LRMDA: variants seen among roughly 807,000 people sequenced by gnomAD.
LRMDA encodes the protein leucine rich melanocyte differentiation associated, also known as leucine-rich melanocyte differentiation-associated protein.
In LRMDA, 18 loss-of-function variants were observed where a neutral mutation model predicts 29.8. The ratio of observed to expected loss-of-function variants is 0.60; its 90% confidence interval spans 0.42 to 0.90. LRMDA has a LOEUF of 0.90. Among genes scored for constraint, LRMDA ranks in the 40% least tolerant of loss-of-function variants. The probability of loss-of-function intolerance (pLI) is 0.00; values close to 1 mark genes in which losing one functional copy is unlikely to be tolerated. For synonymous variants in LRMDA, 125 were observed against 109.4 expected, an observed-to-expected ratio of 1.14 and a Z score of -0.89; for missense variants, 273 against 273.9, an observed-to-expected ratio of 1.00 and a Z score of 0.02.
intron 5 of LRMDA, among the ~76,000 whole-genome samples, chr10:76,213,854 T>G (rs1408551496): frequency 6.6e-6 from 1 of 151,738 alleles, no homozygotes; most frequent in Non-Finnish European, 1.5e-5. Context: ...AGGAACAATT[T>G]GAGCTAACCT....
chr10:75,718,936 C>G (rs531358752), intron 2 of LRMDA, among the ~76,000 whole-genome samples: 291 of 152,242 alleles, frequency 1.9e-3, no homozygotes, highest in African/African-American at 6.5e-3. Flanking sequence ...TTACTCCTAT[C>G]CTGGGTCTTA....
chr10:75,661,339 T>C (rs1841750258), intron 2 of LRMDA, among the ~76,000 whole-genome samples: 1 of 152,070 alleles, frequency 6.6e-6, no homozygotes, highest in Non-Finnish European at 1.5e-5. Flanking sequence ...TTGCCGTGAG[T>C]GGGAGTTTGT....
chr10:76,324,376 T>C (rs778869213), intron 5 of LRMDA, 25 bp from the exon 6 acceptor site: 4 of 1,610,274 alleles, frequency 2.5e-6, no homozygotes, highest in Non-Finnish European at 3.4e-6. Context: ...TGTTGCTTCA[T>C]GTTGACTTTG....
At chr10:75,743,346 C>T (rs1332987215) in intron 2 of LRMDA, 1 of 152,222 alleles carries the variant, frequency 6.6e-6, no homozygotes, top group Non-Finnish European at 1.5e-5. Context: ...GCTGTTTATT[C>T]TCCCGGTGGC....
At chr10:76,429,098 A>C (rs1842162764) in intron 6 of LRMDA, among the ~76,000 whole-genome samples, 1 of 151,802 alleles carries the variant, frequency 6.6e-6, no homozygotes, top group African/African-American at 2.4e-5. Flanking sequence ...TCAAGATAGG[A>C]GGAATCCCTT....
chr10:75,644,170 G>A (rs1368748143), intron 2 of LRMDA, among the ~76,000 whole-genome samples: 3 of 152,150 alleles, frequency 2.0e-5, no homozygotes, highest in Non-Finnish European at 4.4e-5. Context: ...AATGGATGGT[G>A]ACCCTTCTGG....
chr10:76,099,627 A>T (rs1034963993), intron 5 of LRMDA, among the ~76,000 whole-genome samples: 1 of 151,850 alleles, frequency 6.6e-6, no homozygotes, highest in Non-Finnish European at 1.5e-5. Context: ...ACATTGCCTT[A>T]TGACTTCCTT....
chr10:76,426,311 A>G lies in LRMDA; in HGVS notation c.601+101826A>G, dbSNP rs1387030317. Reference sequence around the variant, plus strand: ...TCGCTATTCTAACTGGTGTGAGATGATATCTCATTGTGGTTTTGATTTGCA... The same window carrying G: ...TCGCTATTCTAACTGGTGTGAGATGGTATCTCATTGTGGTTTTGATTTGCA... On this transcript the variant is annotated intron_variant, in intron 6 of 6. Coordinates refer to ENST00000611255, the MANE Select transcript of LRMDA (RefSeq NM_001305581.2). 6.6e-5 allele frequency among the ~76,000 whole-genome samples: 10 copies of G among 152,156 alleles called. No homozygotes were observed. In the East Asian group the frequency reaches 1.5e-3, roughly 24 times the overall value.
chr10:75,717,383 G>A (rs1289356191), intron 2 of LRMDA, among the ~76,000 whole-genome samples: 2 of 152,232 alleles, frequency 1.3e-5, no homozygotes, highest in Non-Finnish European at 2.9e-5. Context: ...TGGTAAATCA[G>A]GCTTCCTGGG....
chr10:75,701,481 G>A (rs1842307564), intron 2 of LRMDA, among the ~76,000 whole-genome samples: 1 of 152,192 alleles, frequency 6.6e-6, no homozygotes. Flanking sequence ...CCAAGTGTTA[G>A]CAATAAGCTA....
At chr10:75,507,768 C>A (rs929760200) in intron 2 of LRMDA, among the ~76,000 whole-genome samples, 2 of 152,146 alleles carry the variant, frequency 1.3e-5, no homozygotes, top group Admixed American at 1.3e-4. Context: ...AAAGCCAAAC[C>A]CTTGGCAGAG....
At chr10:76,210,394 G>A (rs1328871732) in intron 5 of LRMDA, among the ~76,000 whole-genome samples, 1 of 152,134 alleles carries the variant, frequency 6.6e-6, no homozygotes, top group African/African-American at 2.4e-5. Context: ...TACCCACCCT[G>A]TTCACACTTC....
At chr10:76,123,501 C>T (rs1262338375) in intron 5 of LRMDA, among the ~76,000 whole-genome samples, 1 of 152,068 alleles carries the variant, frequency 6.6e-6, no homozygotes, top group East Asian at 1.9e-4. Flanking sequence ...ACAGTGAGAC[C>T]GTGTCTCAGA....
chr10:76,197,929 A>C (rs1014370741), intron 5 of LRMDA, among the ~76,000 whole-genome samples: 4 of 152,092 alleles, frequency 2.6e-5, no homozygotes, highest in Non-Finnish European at 4.4e-5. Flanking sequence ...CAAAAAAAAA[A>C]AAAATTGTTA....
intron 6 of LRMDA, among the ~76,000 whole-genome samples, chr10:76,383,071 C>T (rs16933471): frequency 0.018 from 2,780 of 152,336 alleles, 79 homozygotes; most frequent in African/African-American, 0.063. Flanking sequence ...AGCTACATGT[C>T]TCAATCATCT....
At chr10:75,865,499 T>C (rs1845004110) in intron 2 of LRMDA, among the ~76,000 whole-genome samples, 2 of 152,196 alleles carry the variant, frequency 1.3e-5, no homozygotes, top group South Asian at 4.1e-4. Context: ...TTAAAATCTA[T>C]GGAATTCTTG....
chr10:75,828,900 G>A (rs1844290862), intron 2 of LRMDA, among the ~76,000 whole-genome samples: 1 of 152,156 alleles, frequency 6.6e-6, no homozygotes, highest in South Asian at 2.1e-4. Context: ...AGAGATAAGT[G>A]AGATGTGGAA....
At position 76,325,043 on chromosome 10, in the gene LRMDA, C is replaced by T. The variant is rs1400689139; in HGVS notation, c.601+558C>T. On this transcript the variant is annotated intron_variant, in intron 6 of 6. Coordinates refer to ENST00000611255, the MANE Select transcript of LRMDA (RefSeq NM_001305581.2). The stretch of plus-strand genomic sequence containing the variant: ...TTGCCATCTCTAGAGTCTTCAGCTT[C>T]AAAAGCAGACAGAACACTGACATGA... 2.0e-5 allele frequency among the ~76,000 whole-genome samples: 3 copies of T among 152,194 alleles called. No homozygotes were observed. In the East Asian group the frequency reaches 5.8e-4, roughly 29 times the overall value.
At chr10:76,456,976 T>A (rs1447259360) in intron 6 of LRMDA, among the ~76,000 whole-genome samples, 1 of 152,196 alleles carries the variant, frequency 6.6e-6, no homozygotes, top group African/African-American at 2.4e-5. Flanking sequence ...GTTGGTTTTT[T>A]CAAATTGTGG....
Sources: gnomAD v4.1 joint callset for allele counts (sites outside exome capture counted in the v4.1 genomes callset) on GRCh38, gnomAD v4.1.1 for gene constraint, MANE v1.5 for transcripts, NCBI Gene and HGNC (gene_info 2026-07-23, HGNC 2026-07-21) for gene names.